Variants in WDFY4 observed in about 807,000 individuals in gnomAD.
The protein encoded by WDFY4 is WDFY family member 4, also known as WD repeat- and FYVE domain-containing protein 4.
Under a neutral mutation model 351.9 loss-of-function variants are expected in WDFY4, and 169 were observed. The ratio of observed to expected loss-of-function variants is 0.48; its 90% CI spans 0.42 to 0.55. WDFY4 has a LOEUF of 0.55. Ranked by LOEUF, WDFY4 falls within the 20% of genes least tolerant of loss-of-function variation. The pLI is 0.00. For missense variants in WDFY4, 3,803 were observed against 3,935.6 expected, an observed-to-expected ratio of 0.97 and a Z score of 0.90; for synonymous variants, 1,622 against 1,574.6, an observed-to-expected ratio of 1.03 and a Z score of -0.71.
chr10:48,810,892 G>A (rs2067422645), intron 29 of WDFY4, among the ~76,000 whole-genome samples, 157 bp downstream of exon 29: 1 of 152,118 alleles, frequency 6.6e-6, no homozygotes, highest in Non-Finnish European at 1.5e-5. Flanking sequence ...AATGAGCCCA[G>A]CCCCCCTGAC....
chr10:48,828,790 A>G lies in WDFY4; in HGVS notation c.6234A>G (p.Gly2078=). ...LLLNERSYPE[G]FGLEPKPRMS... Reference sequence around the variant, plus strand: ...TCTTATCCACTAGTTACCCAGAAGGATTTGGATTGGAGCCCAAGCCTAGAA... The same window carrying G: ...TCTTATCCACTAGTTACCCAGAAGGGTTTGGATTGGAGCCCAAGCCTAGAA... Residue 2078 remains glycine (G), a synonymous_variant, in exon 37 of 62, where the codon GGA becomes GGG. Transcript: ENST00000325239. The G allele has an allele frequency of 2.6e-6, 4 of 1,545,284 alleles. No homozygotes were observed. Among genetic ancestry groups the G allele is most frequent in the Admixed American group, 4.0e-5 (2 of 50,120 alleles).
rs201886856 is a variant in WDFY4, at chr10:48,953,329, T to A, written c.7978-3800T>A. Among the ~76,000 whole-genome samples the A allele has an allele frequency of 3.5e-3, 309 of 87,590 alleles. 3 individuals are homozygous for A. Among genetic ancestry groups the A allele is most frequent in the Non-Finnish European group, 5.2e-3 (204 of 39,106 alleles). 57.5% of individuals were successfully genotyped at this position (87,590 alleles called of 152,430 possible). A position where few individuals can be genotyped will look rare whatever the true frequency, so the allele number is the denominator to read the frequency against. On this transcript the variant is annotated intron_variant, in intron 51 of 61. Coordinates refer to ENST00000325239, the MANE Select transcript of WDFY4 (RefSeq NM_001394531.1). ...CTCTCTCTCTCTCTCTCTCTCTCTCTCTCTCACACACACACACACACACAC... is the reference window on the plus strand; with the variant it reads ...CTCTCTCTCTCTCTCTCTCTCTCTCACTCTCACACACACACACACACACAC...
At position 48,790,752 on chromosome 10, in the gene WDFY4, T is replaced by C; in HGVS notation, c.4092T>C (p.Pro1364=). 1 of 1,551,852 alleles carries C rather than the reference T, an allele frequency of 6.4e-7. No homozygotes were observed. Among genetic ancestry groups the C allele is most frequent in the Non-Finnish European group, 8.7e-7 (1 of 1,147,008 alleles). The change falls in exon 23 of 62, where the codon CCT becomes CCC. Residue 1364 remains proline (P), a synonymous_variant. Coordinates refer to ENST00000325239, the MANE Select transcript of WDFY4 (RefSeq NM_001394531.1). ...GGGTGAGGGTATTCCACTCCAGCCCTGCTGCCAGCAGCCTGGACTTCATTG... is the reference window on the plus strand; with the variant it reads ...GGGTGAGGGTATTCCACTCCAGCCCCGCTGCCAGCAGCCTGGACTTCATTG... ...QLGVRVFHSS[P]AASSLDFIGG...
chr10:48,718,451 A>C (rs746422793), intron 2 of WDFY4, among the ~76,000 whole-genome samples: 34 of 152,356 alleles, frequency 2.2e-4, no homozygotes, highest in Non-Finnish European at 4.7e-4. Context: ...TCTTTCCTAG[A>C]TGGAAGAGCT....
At chr10:48,898,886 C>T (rs562544634) in intron 45 of WDFY4, among the ~76,000 whole-genome samples, 1 of 151,026 alleles carries the variant, frequency 6.6e-6, no homozygotes, top group African/African-American at 2.5e-5. Context: ...CACATTAGCT[C>T]CTGTGGGCAC....
At chr10:48,719,177 G>A (rs1002506557) in intron 2 of WDFY4, among the ~76,000 whole-genome samples, 11 of 152,240 alleles carry the variant, frequency 7.2e-5, no homozygotes, top group Admixed American at 2.6e-4. Context: ...AATAACTGCA[G>A]TTATATTATG....
chr10:48,751,645 C>T (rs2065185621), intron 12 of WDFY4, among the ~76,000 whole-genome samples: 1 of 152,184 alleles, frequency 6.6e-6, no homozygotes, highest in African/African-American at 2.4e-5. Flanking sequence ...GCATGGACTG[C>T]ACAAATGAGG....
intron 19 of WDFY4, among the ~76,000 whole-genome samples, chr10:48,784,229 T>C (rs759494700): frequency 1.3e-5 from 2 of 152,256 alleles, no homozygotes; most frequent in African/African-American, 4.8e-5. Context: ...CTGGTTTCTA[T>C]GGTAATTGAA....
chr10:48,884,705 C>T (rs2070387672), intron 43 of WDFY4, among the ~76,000 whole-genome samples: 1 of 151,900 alleles, frequency 6.6e-6, no homozygotes, highest in African/African-American at 2.4e-5. Flanking sequence ...ATACTTTGTG[C>T]CTTGGAATGC....
intron 19 of WDFY4, among the ~76,000 whole-genome samples, chr10:48,782,341 C>T (rs1234647661): frequency 6.6e-6 from 1 of 152,194 alleles, no homozygotes; most frequent in Non-Finnish European, 1.5e-5. Context: ...GATGTTTGTA[C>T]CTTCCTTGAA....
chr10:48,799,022 C>T (rs988873497), intron 24 of WDFY4, among the ~76,000 whole-genome samples: 2 of 152,172 alleles, frequency 1.3e-5, no homozygotes, highest in Non-Finnish European at 2.9e-5. Context: ...TGACTGCAAC[C>T]GCTGCTGCCC....
At chr10:48,867,423 G>T (rs1347563267) in intron 40 of WDFY4, 81 bp downstream of exon 40, 4 of 924,482 alleles carry the variant, frequency 4.3e-6, no homozygotes, top group Non-Finnish European at 6.0e-6. Context: ...AAGGGCCTTT[G>T]GTTTACGTTC....
rs1188839211 is a variant in WDFY4 at position 48,811,591 on chromosome 10, T to A, written c.5097T>A (p.Pro1699=). The change falls in exon 30 of 62, where the codon CCT becomes CCA. Residue 1699 remains proline (P), a synonymous_variant. Coordinates refer to ENST00000325239, the MANE Select transcript of WDFY4 (RefSeq NM_001394531.1). ...CTGAGCAAAGCCCATGCCTGCTTCCTGGGTTCCGTGTCTTGAATGACTTTC... is the reference window on the plus strand; with the variant it reads ...CTGAGCAAAGCCCATGCCTGCTTCCAGGGTTCCGTGTCTTGAATGACTTTC... ...PLPEQSPCLL[P]GFRVLNDFLA... 6.4e-7 allele frequency: 1 copy of A among 1,552,202 alleles called. No homozygotes were observed. The highest frequency in any genetic ancestry group is 2.0e-5 in the Admixed American group (1 of 51,014).
intron 1 of WDFY4, among the ~76,000 whole-genome samples, chr10:48,703,033 A>T (rs779839440): frequency 3.9e-5 from 6 of 152,226 alleles, no homozygotes; most frequent in Non-Finnish European, 5.9e-5. Context: ...AACGCTGTTC[A>T]TAGTACATCA....
chr10:48,873,605 T>C lies in WDFY4; in HGVS notation c.6856T>C (p.Trp2286Arg). Residue 2286 changes from tryptophan to arginine, a missense_variant, in exon 41 of 62, where the codon TGG becomes CGG. Around this residue, in one of 3 missense-constraint regions of WDFY4, gnomAD observed 3,054 missense variants for 3,148.6 expected, o/e 0.97. Transcript: ENST00000325239. ...QGEETKPCSPWELDWREGPAR... is the reference protein window; with the variant it reads ...QGEETKPCSPRELDWREGPAR... ...GGAAGAAACCAAGCCCTGTTCCCCA[T>C]GGGAACTCGACTGGAGAGAAGGACC... 6.4e-7 allele frequency: 1 copy of C among 1,551,738 alleles called. No individual in the cohort carries two copies. Among genetic ancestry groups the C allele is most frequent in the Non-Finnish European group, 8.7e-7 (1 of 1,147,000 alleles).
At position 48,694,160 on chromosome 10, in the gene WDFY4, A is replaced by G. The variant is rs940506646; in HGVS notation, c.-18+9159A>G. 2.0e-5 allele frequency among the ~76,000 whole-genome samples: 3 copies of G among 152,320 alleles called. No homozygotes were observed. The South Asian group carries it at 6.2e-4, about 32-fold the overall frequency. ...TCTTTCTTACCTTAGCACGTGAGATATAAAGGATCCTGCAAAGTTCCCCTG... is the reference window on the plus strand; with the variant it reads ...TCTTTCTTACCTTAGCACGTGAGATGTAAAGGATCCTGCAAAGTTCCCCTG... On this transcript the variant is annotated intron_variant, in intron 1 of 61. Coordinates refer to ENST00000325239, the MANE Select transcript of WDFY4 (RefSeq NM_001394531.1).
chr10:48,964,127 G>T (rs1341112683), intron 54 of WDFY4, 73 bp downstream of exon 54: 6 of 1,483,574 alleles, frequency 4.0e-6, no homozygotes, highest in African/African-American at 2.8e-5. Context: ...CTCTCCTGGG[G>T]TGAAAGTGAA....
chr10:48,801,477 A>C, intron 24 of WDFY4: 3 of 456,000 alleles, frequency 6.6e-6, no homozygotes, highest in South Asian at 4.7e-5. Flanking sequence ...CAATATCCTA[A>C]GTGTGCAGGG....
chr10:48,731,716 AG>A (rs2064466414), intron 9 of WDFY4, among the ~76,000 whole-genome samples, 154 bp downstream of exon 9: 1 of 152,250 alleles, frequency 6.6e-6, no homozygotes, highest in South Asian at 2.1e-4. Flanking sequence ...CACAAAAGAC[AG>A]GCAGCCACCC....
Sources: allele counts gnomAD v4.1 joint callset (sites outside exome capture counted in the v4.1 genomes callset), GRCh38; gene constraint gnomAD v4.1.1; regional missense constraint gnomAD v4.1.1; transcripts MANE v1.5; gene names NCBI Gene and HGNC (gene_info 2026-07-23, HGNC 2026-07-21).